Variants in HDAC9 observed in about 807,000 individuals in gnomAD.
HDAC9 encodes histone deacetylase 9.
In HDAC9, 41 loss-of-function variants were observed where a neutral mutation model predicts 139.4. That is an observed-to-expected ratio of 0.29 (90% confidence interval 0.23 to 0.38). The LOEUF (loss-of-function observed/expected upper bound fraction) is 0.38. Ranked by LOEUF, HDAC9 falls within the 10% of genes least tolerant of loss-of-function variation. The pLI, the probability that HDAC9 is intolerant of heterozygous loss-of-function variation, is 1.00. For missense variants in HDAC9, 1,147 were observed against 1,297.0 expected (o/e 0.88, Z 1.78); for synonymous variants, 517 against 476.2 (o/e 1.09, Z -1.12).
In HDAC9 at chr7:18,647,788, T is replaced by G. The variant is rs759796331; in HGVS notation, c.1039T>G (p.Ser347Ala). ...TCTTTGTTATTTCTCAACACAGGCT[T>G]CGAATTCACTCAAAGAAAAGCAGAA... ...LPAVPSQLNA[S>A]NSLKEKQKCE... Residue 347 changes from serine to alanine, a missense_variant, in exon 10 of 26, where the codon TCG (serine) becomes GCG (alanine). Transcript: ENST00000686413. 6.2e-7 allele frequency: 1 copy of G among 1,605,886 alleles called. No homozygotes were observed. Among genetic ancestry groups the G allele is most frequent in the South Asian group, 1.1e-5 (1 of 89,712 alleles).
At chr7:18,748,759 A>T (rs1017948585) in intron 13 of HDAC9, among the ~76,000 whole-genome samples, 3 of 152,250 alleles carry the variant, frequency 2.0e-5, no homozygotes, top group Admixed American at 6.5e-5. Context: ...TCATCACTTT[A>T]CAGATTTACT....
chr7:18,985,083 A>G (rs1785227965), intron 25 of HDAC9, among the ~76,000 whole-genome samples: 2 of 151,638 alleles, frequency 1.3e-5, no homozygotes, highest in Non-Finnish European at 2.9e-5. Flanking sequence ...TTTATTTATT[A>G]TTATTATACT....
chr7:18,110,337 T>C (rs1584100346), intron 1 of HDAC9, among the ~76,000 whole-genome samples: 1 of 152,150 alleles, frequency 6.6e-6, no homozygotes, highest in African/African-American at 2.4e-5. Flanking sequence ...ATAGATATAG[T>C]CATAAAAGCT....
At chr7:18,982,514 A>G (rs922122247) in intron 25 of HDAC9, among the ~76,000 whole-genome samples, 2 of 152,062 alleles carry the variant, frequency 1.3e-5, no homozygotes, top group East Asian at 1.9e-4. Context: ...TATATCTTAC[A>G]TATAATAACA....
At chr7:18,393,638 A>G (rs532938182) in intron 1 of HDAC9, among the ~76,000 whole-genome samples, 2 of 152,192 alleles carry the variant, frequency 1.3e-5, no homozygotes, top group Non-Finnish European at 2.9e-5. Flanking sequence ...CTAAAATTAA[A>G]GCCACAGAAT....
In HDAC9 at chr7:18,874,485, G is replaced by A; in HGVS notation, c.2692G>A (p.Val898Met). 1 of 1,581,638 alleles carries A rather than the reference G, an allele frequency of 6.3e-7. No individual in the cohort carries two copies. The highest frequency in any genetic ancestry group is 8.6e-7 in the Non-Finnish European group (1 of 1,161,910). ...TGCATTTTTACTGTGCAGGACCATCGTGAAGCCTGTGGCCAAAGAGTTTGA... is the reference window on the plus strand; with the variant it reads ...TGCATTTTTACTGTGCAGGACCATCATGAAGCCTGTGGCCAAAGAGTTTGA... ...VEYLEAFRTI[V>M]KPVAKEFDPD... The change falls in exon 22 of 26, where the codon GTG becomes ATG. Residue 898 changes from valine (V) to methionine (M), a missense_variant. By Grantham distance (21) the Val-to-Met change is conservative (BLOSUM62 1). Transcript: ENST00000686413.
At chr7:18,691,425 G>A (rs1364269510) in intron 12 of HDAC9, among the ~76,000 whole-genome samples, 1 of 152,004 alleles carries the variant, frequency 6.6e-6, no homozygotes, top group Non-Finnish European at 1.5e-5. Flanking sequence ...CCAAAGAGTA[G>A]AGGGACTTTC....
At chr7:18,218,410 C>T (rs1373537680) in intron 2 of HDAC9, among the ~76,000 whole-genome samples, 3 of 152,024 alleles carry the variant, frequency 2.0e-5, no homozygotes, top group Admixed American at 6.6e-5. Context: ...CATCACTGCA[C>T]TCCAGCCTGG....
chr7:18,952,376 A>G (rs1429584756), intron 23 of HDAC9, among the ~76,000 whole-genome samples: 2 of 151,952 alleles, frequency 1.3e-5, no homozygotes, highest in Non-Finnish European at 2.9e-5. Context: ...ATCTGCCTAT[A>G]GCTTTCTTTC....
chr7:18,904,813 G>C (rs189662538), intron 22 of HDAC9, among the ~76,000 whole-genome samples: 1 of 152,026 alleles, frequency 6.6e-6, no homozygotes, highest in African/African-American at 2.4e-5. Flanking sequence ...CTGACCTCGT[G>C]ATCCGCCCGC....
intron 2 of HDAC9, among the ~76,000 whole-genome samples, chr7:18,537,971 C>G (rs1031630385): frequency 6.6e-6 from 1 of 152,166 alleles, no homozygotes; most frequent in Non-Finnish European, 1.5e-5. Flanking sequence ...TCCTCTGTGC[C>G]CAACGTGACC....
rs570629085 is a variant in HDAC9, at chr7:18,759,610, G to A, written c.2044-2547G>A. Among the ~76,000 whole-genome samples the A allele has an allele frequency of 2.6e-5, 4 of 152,244 alleles. No individual in the cohort carries two copies. In the South Asian group the frequency reaches 8.3e-4, roughly 32 times the overall value. On this transcript the variant is annotated intron_variant, in intron 14 of 25. Coordinates refer to ENST00000686413, the MANE Select transcript of HDAC9 (RefSeq NM_178425.4). ...AATGTAATAATAATAGAAATAAAGT[G>A]CACAGTAAATGTAATGTGCTTGAAT... is the stretch of plus-strand genomic sequence containing the variant.
intron 1 of HDAC9, among the ~76,000 whole-genome samples, chr7:18,160,636 C>T (rs1787563362): frequency 6.6e-6 from 1 of 151,982 alleles, no homozygotes; most frequent in Non-Finnish European, 1.5e-5. Context: ...TTATTTTTGA[C>T]ACAGAGATTT....
At chr7:18,526,840 G>A (rs1388826457) in intron 2 of HDAC9, among the ~76,000 whole-genome samples, 1 of 152,106 alleles carries the variant, frequency 6.6e-6, no homozygotes, top group Non-Finnish European at 1.5e-5. Flanking sequence ...ATGGAGCATA[G>A]TAACTAATTC....
intron 11 of HDAC9, among the ~76,000 whole-genome samples, chr7:18,652,454 C>G (rs1453455345): frequency 6.6e-6 from 1 of 151,810 alleles, no homozygotes; most frequent in Non-Finnish European, 1.5e-5. Context: ...TTTAGACATA[C>G]TGATGATTTT....
At chr7:18,848,253 C>G (rs1366692042) in intron 21 of HDAC9, among the ~76,000 whole-genome samples, 1 of 152,120 alleles carries the variant, frequency 6.6e-6, no homozygotes, top group East Asian at 1.9e-4. Context: ...GATATCAGCT[C>G]TGATCAGAAG....
intron 12 of HDAC9, among the ~76,000 whole-genome samples, chr7:18,675,504 T>A (rs1179122004): frequency 6.6e-6 from 1 of 152,070 alleles, no homozygotes; most frequent in Non-Finnish European, 1.5e-5. Context: ...ACAGTAAAAA[T>A]TAGCTATTGT....
chr7:18,410,805 A>AT (rs1240690374), intron 1 of HDAC9, among the ~76,000 whole-genome samples: 3 of 152,264 alleles, frequency 2.0e-5, no homozygotes, highest in East Asian at 1.9e-4. Flanking sequence ...CTGCCTAAAT[A>AT]TTTTTTTAAA....
chr7:18,235,821 C>G (rs1285838962), intron 2 of HDAC9, among the ~76,000 whole-genome samples: 1 of 152,154 alleles, frequency 6.6e-6, no homozygotes, highest in Non-Finnish European at 1.5e-5. Context: ...CTGATTATTT[C>G]TAGTCATTTC....
Sources: gnomAD v4.1 joint callset for allele counts (sites outside exome capture counted in the v4.1 genomes callset) on GRCh38, gnomAD v4.1.1 for gene constraint, MANE v1.5 for transcripts, NCBI Gene and HGNC (gene_info 2026-07-23, HGNC 2026-07-21) for gene names.